SLC35F4: variants seen among roughly 807,000 people sequenced by gnomAD.
SLC35F4 encodes the protein chromosome 14 open reading frame 36.
In SLC35F4, 24 loss-of-function variants were observed where a neutral mutation model predicts 44.2. That is an observed-to-expected ratio of 0.54 (90% CI 0.39 to 0.76). The LOEUF is 0.76. SLC35F4 is among the 30% of genes least tolerant of loss of function. SLC35F4 has a pLI of 0.00. For synonymous variants in SLC35F4, 238 were observed against 223.6 expected, an observed-to-expected ratio of 1.06 and a Z score of -0.57; for missense variants, 562 against 586.1, an observed-to-expected ratio of 0.96 and a Z score of 0.42.
chr14:57,867,318 AGCATATGAAAAC>A (rs1446880802), upstream of SLC35F4, among the ~76,000 whole-genome samples: 1 of 152,264 alleles, frequency 6.6e-6, no homozygotes, highest in African/African-American at 2.4e-5. Context: ...ATTAGGTTTA[AGCATATGAAAAC>A]GCAATATTAA....
chr14:57,934,828 T>C (rs1889768051), intron 1 of SLC35F4, among the ~76,000 whole-genome samples: 2 of 152,182 alleles, frequency 1.3e-5, no homozygotes, highest in African/African-American at 4.8e-5. Flanking sequence ...CACCGATTTT[T>C]CTTCTCTGAC....
intron 1 of SLC35F4, among the ~76,000 whole-genome samples, chr14:57,595,183 T>C (rs2070420073): frequency 6.6e-6 from 1 of 152,250 alleles, no homozygotes; most frequent in African/African-American, 2.4e-5. Flanking sequence ...TTGTTTATCA[T>C]AACCTTGACA....
intron 1 of SLC35F4, among the ~76,000 whole-genome samples, chr14:57,594,803 C>T (rs1200781444): frequency 6.6e-6 from 1 of 152,146 alleles, no homozygotes; most frequent in Non-Finnish European, 1.5e-5. Flanking sequence ...ATTGTGTCTT[C>T]TCAATCACTA....
chr14:57,566,762 C>T (rs1403159128), intron 6 of SLC35F4, among the ~76,000 whole-genome samples, 198 bp from the exon 7 acceptor site: 1 of 152,228 alleles, frequency 6.6e-6, no homozygotes, highest in Non-Finnish European at 1.5e-5. Flanking sequence ...CTGCCACTCT[C>T]TTTACCTGAA....
At chr14:57,669,545 A>T (rs147763514) in intron 1 of SLC35F4, among the ~76,000 whole-genome samples, 3,914 of 152,082 alleles carry the variant, frequency 0.026, 182 homozygotes, top group African/African-American at 0.088. Flanking sequence ...CATGAAGGGC[A>T]GTTGAATTTT....
intron 1 of SLC35F4, among the ~76,000 whole-genome samples, chr14:57,821,940 C>T (rs1310438260): frequency 6.6e-6 from 1 of 152,186 alleles, no homozygotes; most frequent in African/African-American, 2.4e-5. Flanking sequence ...TAAGGAGGTG[C>T]CCACTCTCAG....
intron 1 of SLC35F4, among the ~76,000 whole-genome samples, chr14:57,921,710 G>A (rs1889446919): frequency 1.3e-5 from 2 of 152,122 alleles, no homozygotes; most frequent in Admixed American, 6.5e-5. Flanking sequence ...ATGTGGGTCT[G>A]TATCTCTGTT....
intron 1 of SLC35F4, among the ~76,000 whole-genome samples, chr14:57,761,688 G>A (rs868286426): frequency 6.6e-6 from 1 of 152,042 alleles, no homozygotes; most frequent in African/African-American, 2.4e-5. Flanking sequence ...CACTATCAGC[G>A]CATATTCTTA....
intron 1 of SLC35F4, among the ~76,000 whole-genome samples, chr14:57,690,944 A>G (rs1352423640): frequency 6.6e-6 from 1 of 152,148 alleles, no homozygotes; most frequent in Admixed American, 6.5e-5. Context: ...TGTGCAGCCC[A>G]GTACCTAACA....
At chr14:57,584,422 A>C (rs2069538688) in intron 3 of SLC35F4, among the ~76,000 whole-genome samples, 1 of 152,176 alleles carries the variant, frequency 6.6e-6, no homozygotes, top group Non-Finnish European at 1.5e-5. Flanking sequence ...TTGTTCAGTC[A>C]TGAGAGCTTC....
At chr14:57,952,365 C>A (rs913844024) in intron 1 of SLC35F4, among the ~76,000 whole-genome samples, 8 of 151,952 alleles carry the variant, frequency 5.3e-5, no homozygotes, top group African/African-American at 1.9e-4. Flanking sequence ...TTCCAAAAAC[C>A]AGAATGCCTC....
At chr14:57,946,148 TTTTGCTTTTGTTGCA>T (rs1890022119) in intron 1 of SLC35F4, among the ~76,000 whole-genome samples, 1 of 152,196 alleles carries the variant, frequency 6.6e-6, no homozygotes, top group Non-Finnish European at 1.5e-5. Context: ...ATCTATTTAT[TTTTGCTTTTGTTGCA>T]TTTGCTTTTG....
At chr14:57,813,330 C>A (rs1324304690) in intron 1 of SLC35F4, among the ~76,000 whole-genome samples, 1 of 152,186 alleles carries the variant, frequency 6.6e-6, no homozygotes, top group Non-Finnish European at 1.5e-5. Context: ...TGGTTCATGC[C>A]TGTAATCCCA....
chr14:57,599,847 G>A (rs1026640905), intron 1 of SLC35F4, among the ~76,000 whole-genome samples: 59 of 151,362 alleles, frequency 3.9e-4, no homozygotes, highest in African/African-American at 1.4e-3. Context: ...AGGAGAGGGA[G>A]GAGAGGGTTG....
At chr14:57,908,202 T>C (rs1481602229) in intron 1 of SLC35F4, among the ~76,000 whole-genome samples, 3 of 152,248 alleles carry the variant, frequency 2.0e-5, no homozygotes, top group Non-Finnish European at 4.4e-5. Context: ...TTGCTGGGCA[T>C]TTGGGTTGAT....
intron 1 of SLC35F4, among the ~76,000 whole-genome samples, chr14:57,696,041 A>G (rs2075374362): frequency 6.6e-6 from 1 of 152,208 alleles, no homozygotes. Context: ...CTTCATGACT[A>G]AAACACCAAA....
intron 1 of SLC35F4, among the ~76,000 whole-genome samples, chr14:57,747,905 A>C (rs560594485): frequency 2.2e-4 from 33 of 152,316 alleles, no homozygotes; most frequent in Admixed American, 2.1e-3. Flanking sequence ...GATAGAAAAG[A>C]ATGTCTTGCC....
chr14:57,818,596 A>T (rs1882854450), intron 1 of SLC35F4, among the ~76,000 whole-genome samples: 1 of 152,176 alleles, frequency 6.6e-6, no homozygotes, highest in Admixed American at 6.5e-5. Context: ...TCTGCCCTGT[A>T]GTCACATTAA....
intron 2 of SLC35F4, among the ~76,000 whole-genome samples, 155 bp downstream of exon 2, chr14:57,593,784 T>C (rs894908727): frequency 3.3e-5 from 5 of 152,214 alleles, no homozygotes; most frequent in Admixed American, 2.0e-4. Context: ...ATCTATATAT[T>C]TCCCTGCTTC....
Sources: gnomAD v4.1 joint callset for allele counts (sites outside exome capture counted in the v4.1 genomes callset) on GRCh38, gnomAD v4.1.1 for gene constraint, MANE v1.5 for transcripts, NCBI Gene and HGNC (gene_info 2026-07-23, HGNC 2026-07-21) for gene names.